The following NLGN1 variants were observed in gnomAD, a reference collection of about 807,000 sequenced individuals.
The protein encoded by NLGN1 is neuroligin-1.
In NLGN1, 12 loss-of-function variants were observed where a neutral mutation model predicts 65.5. The observed-to-expected ratio is 0.18, with a 90% confidence interval of 0.12 to 0.30. NLGN1 has a LOEUF of 0.30. Among genes scored for constraint, NLGN1 ranks in the 10% least tolerant of loss-of-function variants. NLGN1 has a pLI of 1.00. For synonymous variants in NLGN1, 350 were observed against 359.5 expected (o/e 0.97, Z 0.30); for missense variants, 750 against 1,007.1 (o/e 0.74, Z 3.46).
chr3:173,816,962 T>C (rs1719159800), intron 4 of NLGN1, among the ~76,000 whole-genome samples: 1 of 152,264 alleles, frequency 6.6e-6, no homozygotes, highest in South Asian at 2.1e-4. Context: ...GATTATCTTC[T>C]GTTTATATTG....
intron 3 of NLGN1, among the ~76,000 whole-genome samples, chr3:173,681,321 T>C (rs1763910374): frequency 6.6e-6 from 1 of 152,196 alleles, no homozygotes; most frequent in African/African-American, 2.4e-5. Flanking sequence ...GATTGATGTT[T>C]TGATGGATAA....
intron 3 of NLGN1, among the ~76,000 whole-genome samples, chr3:173,733,800 C>T (rs556899991): frequency 1.6e-4 from 25 of 152,142 alleles, no homozygotes; most frequent in Non-Finnish European, 3.2e-4. Flanking sequence ...ACATTTGTCA[C>T]GGGGGAGGAA....
intron 2 of NLGN1, among the ~76,000 whole-genome samples, chr3:173,558,994 T>A (rs1742191402): frequency 6.6e-6 from 1 of 152,208 alleles, no homozygotes; most frequent in Non-Finnish European, 1.5e-5. Context: ...GTTGAATAGA[T>A]CTGATATGGC....
intron 1 of NLGN1, among the ~76,000 whole-genome samples, chr3:173,432,204 T>C (rs1717311703): frequency 6.6e-6 from 1 of 152,228 alleles, no homozygotes; most frequent in Admixed American, 6.6e-5. Flanking sequence ...TGCAGGTTTC[T>C]ATATGGACGT....
At position 173,457,322 on chromosome 3, in the gene NLGN1, A is replaced by G. The variant is rs73036253; in HGVS notation, c.-321+22244A>G. ...AGCAAGTTTCAATGCCATGAAGCAC[A>G]GTTGCTGCATGTGGTTGTGCGGATT... On this transcript the variant is annotated intron_variant, in intron 2 of 6. Coordinates refer to ENST00000457714, the Ensembl canonical transcript of NLGN1. 5.5e-3 allele frequency among the ~76,000 whole-genome samples: 832 copies of G among 152,230 alleles called. 14 individuals carry two copies. Among genetic ancestry groups the G allele is most frequent in the African/African-American group, 0.02 (814 of 41,556 alleles).
exon 3 of NLGN1, chr3:173,604,811 T>C (rs1245178805): frequency 6.2e-7 from 1 of 1,613,632 alleles, no homozygotes; most frequent in Non-Finnish European, 8.5e-7. Flanking sequence ...AACTCAATAA[T>C]GAAATTTTGG....
intron 3 of NLGN1, among the ~76,000 whole-genome samples, chr3:173,732,575 C>T (rs1384329081): frequency 6.6e-6 from 1 of 152,038 alleles, no homozygotes; most frequent in African/African-American, 2.4e-5. Flanking sequence ...CTGTATATTT[C>T]AGTAGTTACA....
At chr3:173,852,963 T>C (rs1490147279) in intron 4 of NLGN1, among the ~76,000 whole-genome samples, 1 of 152,186 alleles carries the variant, frequency 6.6e-6, no homozygotes, top group African/African-American at 2.4e-5. Flanking sequence ...AGTGGGTTTA[T>C]TTGTAGCCTT....
At chr3:173,465,440 C>G (rs1724186935) in intron 2 of NLGN1, among the ~76,000 whole-genome samples, 1 of 152,082 alleles carries the variant, frequency 6.6e-6, no homozygotes, top group South Asian at 2.1e-4. Flanking sequence ...AACATCACCC[C>G]CTAGCACACA....
chr3:173,753,585 CT>C lies in NLGN1; in HGVS notation c.494-54089del, dbSNP rs542125962. Reference sequence around the variant, plus strand: ...GCCTGGATGAAAGCAACAACCCAAACTTTTTTCTCTTTCTATTCTTGTACCT... The same window carrying C: ...GCCTGGATGAAAGCAACAACCCAAACTTTTTCTCTTTCTATTCTTGTACCT... On this transcript the variant is annotated intron_variant, in intron 3 of 6. Transcript: ENST00000457714. Among the ~76,000 whole-genome samples the C allele has an allele frequency of 2.2e-4, 33 of 152,246 alleles. 1 individual carries two copies. Among genetic ancestry groups the C allele is most frequent in the African/African-American group, 6.7e-4 (28 of 41,562 alleles).
intron 4 of NLGN1, among the ~76,000 whole-genome samples, chr3:173,928,445 A>T (rs1310419839): frequency 6.6e-6 from 1 of 152,186 alleles, no homozygotes; most frequent in Non-Finnish European, 1.5e-5. Flanking sequence ...TGCCTCAAAG[A>T]TTTATTGGGA....
the NLGN1 span, among the ~76,000 whole-genome samples, chr3:174,292,071 C>T: frequency 2.6e-5 from 4 of 151,202 alleles, no homozygotes; most frequent in South Asian, 2.1e-4. Flanking sequence ...TCATCTCCAC[C>T]GTCTTTGAGA....
Position 173,841,451 on chromosome 3 carries a change from G to A in NLGN1, c.646+33619G>A, listed in dbSNP as rs552451582. On this transcript the variant is annotated intron_variant, in intron 4 of 6. Transcript: ENST00000457714. ...AGGAGGTTGTTAAGGGGGAACAGAG[G>A]ATGAATTCAGCTATTTGTGTTTGTT... is the stretch of plus-strand genomic sequence containing the variant. Among the ~76,000 whole-genome samples, 3 of 152,256 alleles carry A rather than the reference G, an allele frequency of 2.0e-5. No homozygotes were observed. The South Asian group carries it at 6.2e-4, about 32-fold the overall frequency.
chr3:173,458,543 T>C (rs945033855), intron 2 of NLGN1, among the ~76,000 whole-genome samples: 8 of 152,032 alleles, frequency 5.3e-5, no homozygotes, highest in African/African-American at 1.9e-4. Flanking sequence ...CCAAAAATCC[T>C]ACAGACTCCT....
chr3:174,112,000 C>T (rs1335276611), intron 4 of NLGN1, among the ~76,000 whole-genome samples: 1 of 151,688 alleles, frequency 6.6e-6, no homozygotes. Context: ...AGAGAGGAAC[C>T]CAGCCAGCAA....
At chr3:173,898,000 A>C (rs935098044) in intron 4 of NLGN1, among the ~76,000 whole-genome samples, 2 of 152,202 alleles carry the variant, frequency 1.3e-5, no homozygotes, top group African/African-American at 4.8e-5. Context: ...ATGCTTTTCT[A>C]GATTATACTT....
intron 4 of NLGN1, among the ~76,000 whole-genome samples, chr3:173,981,173 G>T (rs750844411): frequency 9.9e-5 from 15 of 152,062 alleles, no homozygotes; most frequent in Non-Finnish European, 2.2e-4. Context: ...GTGGGAATAA[G>T]AATAACAACA....
At chr3:173,727,107 AT>A (rs1771938903) in intron 3 of NLGN1, among the ~76,000 whole-genome samples, 1 of 152,146 alleles carries the variant, frequency 6.6e-6, no homozygotes, top group Admixed American at 6.6e-5. Context: ...GATTTGCTTG[AT>A]TTGGATAGTC....
chr3:174,113,220 A>G (rs1237090622), intron 4 of NLGN1, among the ~76,000 whole-genome samples: 1 of 152,012 alleles, frequency 6.6e-6, no homozygotes, highest in African/African-American at 2.4e-5. Context: ...TGTCAATAGT[A>G]TACAATCTCC....
Sources: gnomAD v4.1 joint callset for allele counts (sites outside exome capture counted in the v4.1 genomes callset) on GRCh38, gnomAD v4.1.1 for gene constraint, MANE v1.5 for transcripts, NCBI Gene and HGNC (gene_info 2026-07-23, HGNC 2026-07-21) for gene names.